The following DNMT3A variants were observed in gnomAD, a reference collection of about 807,000 sequenced individuals.
DNMT3A encodes the protein DNA (cytosine-5)-methyltransferase 3A.
In DNMT3A, 267 loss-of-function variants were observed where a neutral mutation model predicts 117.6. That is an observed-to-expected ratio of 2.27 (90% CI 2.05 to 2.51). DNMT3A has a LOEUF of 2.51. Ranked by LOEUF, DNMT3A falls within the 30% of genes most tolerant of loss-of-function variation. The probability of loss-of-function intolerance (pLI) is 0.00; values close to 1 mark genes in which losing one functional copy is unlikely to be tolerated. For missense variants in DNMT3A, 1,029 were observed against 1,260.2 expected (o/e 0.82, Z 2.78); for synonymous variants, 432 against 474.8 (o/e 0.91, Z 1.17).
At chr2:25,280,485 A>G (rs2031810370) in intron 4 of DNMT3A, among the ~76,000 whole-genome samples, 1 of 148,432 alleles carries the variant, frequency 6.7e-6, no homozygotes, top group South Asian at 2.2e-4. Flanking sequence ...CCCTGTTCTC[A>G]CTCTCTCCCT....
intron 1 of DNMT3A, among the ~76,000 whole-genome samples, chr2:25,332,010 T>A (rs2035031434): frequency 6.6e-6 from 1 of 152,058 alleles, no homozygotes; most frequent in Non-Finnish European, 1.5e-5. Context: ...CGCCTGTTCC[T>A]ACTGACTGCA....
At chr2:25,271,759 C>T (rs896372255) in intron 6 of DNMT3A, among the ~76,000 whole-genome samples, 1 of 152,226 alleles carries the variant, frequency 6.6e-6, no homozygotes, top group Non-Finnish European at 1.5e-5. Context: ...GAGATCTCCA[C>T]ATTGCAAGTC....
rs1674939558 is a variant in DNMT3A at position 25,247,367 on chromosome 2, G to A, written c.1015-209C>T. ...AGTGCAGGTGGAAAGGAATTCTAGT[G>A]AATAGGTTCCTGGAAGGCTAAAACT... On this transcript the variant is annotated intron_variant, in intron 8 of 22. Coordinates refer to ENST00000321117, the MANE Select transcript of DNMT3A (RefSeq NM_022552.5). This position sits in a 1 kb window ranked among gnomAD's most constrained non-coding sequence, Gnocchi z 5.6. 2 of 808,526 alleles carry A rather than the reference G, an allele frequency of 2.5e-6. No homozygotes were observed. The highest frequency in any genetic ancestry group is 3.6e-5 in the South Asian group (2 of 54,862). 50.1% of individuals were successfully genotyped at this position (808,526 alleles called of 1,614,324 possible). A position where few individuals can be genotyped will look rare whatever the true frequency, so the allele number is the denominator to read the frequency against.
Position 25,281,950 on chromosome 2 carries a change from T to TCTGCACTCAGGGAGGCAA in DNMT3A, c.448+490_448+491insTTGCCTCCCTGAGTGCAG. On this transcript the variant is annotated intron_variant, in intron 4 of 22. Coordinates refer to ENST00000321117, the MANE Select transcript of DNMT3A (RefSeq NM_022552.5). The surrounding 1 kb of genome is among the most constrained non-coding windows in gnomAD (Gnocchi z 4.8). ...TCTGCACTCAGGGAGGCAAACAGGG[T>TCTGCACTCAGGGAGGCAA]ATCTGCTGCCCTTGAGTGCCCAGGC... 1 of 1,083,674 alleles carries TCTGCACTCAGGGAGGCAA rather than the reference T, an allele frequency of 9.2e-7. No individual in the cohort carries two copies. Among genetic ancestry groups the TCTGCACTCAGGGAGGCAA allele is most frequent in the Non-Finnish European group, 1.1e-6 (1 of 889,756 alleles). 67.1% of individuals were successfully genotyped at this position (1,083,674 alleles called of 1,614,324 possible).
chr2:25,266,561 C>T (rs1288407456), intron 6 of DNMT3A, among the ~76,000 whole-genome samples: 1 of 152,164 alleles, frequency 6.6e-6, no homozygotes, highest in African/African-American at 2.4e-5. Flanking sequence ...CATGGGGGAC[C>T]TTCTGGACAT....
intron 3 of DNMT3A, among the ~76,000 whole-genome samples, chr2:25,299,469 T>TCCAGTG (rs1370226149): frequency 6.6e-6 from 1 of 152,218 alleles, no homozygotes; most frequent in Non-Finnish European, 1.5e-5. Context: ...GGGAGGGGCC[T>TCCAGTG]TCATAGATAG....
intron 3 of DNMT3A, among the ~76,000 whole-genome samples, chr2:25,288,605 C>T (rs1378988147): frequency 2.6e-5 from 4 of 152,080 alleles, no homozygotes; most frequent in Non-Finnish European, 5.9e-5. Context: ...CCACTGTGCC[C>T]GGCCTAGAAA....
chr2:25,229,813 T>C lies in DNMT3A; in HGVS notation c.*4466A>G, dbSNP rs1282136899. ...TATTTATATAAGCAAAACTATGAAA[T>C]GAATGACTGCAGTTTTCCTATAAGA... On this transcript the variant is annotated 3_prime_UTR_variant, in exon 23 of 23. Coordinates refer to ENST00000321117, the MANE Select transcript of DNMT3A (RefSeq NM_022552.5). 6.6e-6 allele frequency: 1 copy of C among 152,216 alleles called. No individual in the cohort carries two copies. Among genetic ancestry groups the C allele is most frequent in the Non-Finnish European group, 1.5e-5 (1 of 68,042 alleles). 9.4% of individuals were successfully genotyped at this position (152,216 alleles called of 1,614,324 possible).
rs575966077 is a variant in DNMT3A at position 25,302,631 on chromosome 2, G to A, written c.73-2388C>T. 4.6e-5 allele frequency among the ~76,000 whole-genome samples: 7 copies of A among 152,340 alleles called. No homozygotes were observed. In the East Asian group the frequency reaches 5.8e-4, roughly 13 times the overall value. ...GGGCTCAGGGTGCCCAAGGGCACAC[G>A]CCCCATGGGAGGGGAGGCCTGCTGC... On this transcript the variant is annotated intron_variant, in intron 2 of 22. Coordinates refer to ENST00000321117, the MANE Select transcript of DNMT3A (RefSeq NM_022552.5).
rs369713081 is a variant in DNMT3A at position 25,241,581 on chromosome 2, C to T, written c.2063G>A (p.Arg688His). The T allele has an allele frequency of 1.5e-5, 24 of 1,613,670 alleles. No homozygotes were observed. Among genetic ancestry groups the T allele is most frequent in the East Asian group, 6.7e-5 (3 of 44,886 alleles). Residue 688 changes from arginine to histidine, a missense_variant, in exon 17 of 23, where the codon CGC becomes CAC. By Grantham distance (29) the Arg-to-His change is conservative (BLOSUM62 0). Transcript: ENST00000321117. ...QGKIMYVGDVRSVTQKHIQEW... is the reference protein window; with the variant it reads ...QGKIMYVGDVHSVTQKHIQEW... The stretch of plus-strand genomic sequence containing the variant: ...ACATACATGCTTCTGTGTGACGCTG[C>T]GGACGTCCCCGACGTACATGATCTT...
intron 2 of DNMT3A, among the ~76,000 whole-genome samples, chr2:25,308,019 C>T (rs1032295950): frequency 3.9e-5 from 6 of 152,138 alleles, no homozygotes; most frequent in Non-Finnish European, 7.3e-5. Context: ...TGACTGATGA[C>T]CCAAAGAGAG....
chr2:25,332,189 C>A (rs985456606), intron 1 of DNMT3A, among the ~76,000 whole-genome samples: 1 of 152,222 alleles, frequency 6.6e-6, no homozygotes, highest in Admixed American at 6.5e-5. Context: ...GCCCAACGTC[C>A]GTTCATAACA....
In DNMT3A at chr2:25,244,041, A is replaced by T. The variant is rs1321442342; in HGVS notation, c.1852-59T>A. 2.6e-6 allele frequency: 4 copies of T among 1,564,614 alleles called. No homozygotes were observed. The African/African-American group carries it at 4.1e-5, about 16-fold the overall frequency. ...CCAGCGGTGTCCCAAGCTCCCACCC[A>T]GCGCTGGCCCTCCAGCCAGGCTCCT... On this transcript the variant is annotated intron_variant, in intron 15 of 22. Coordinates refer to ENST00000321117, the MANE Select transcript of DNMT3A (RefSeq NM_022552.5).
chr2:25,271,348 C>G (rs944858671), intron 6 of DNMT3A, among the ~76,000 whole-genome samples: 1 of 152,146 alleles, frequency 6.6e-6, no homozygotes, highest in African/African-American at 2.4e-5. Flanking sequence ...GAAACTCCGT[C>G]TCAAAAACAG....
rs776844126 is a variant in DNMT3A at position 25,240,370 on chromosome 2, A to T, written c.2254T>A (p.Phe752Ile). The T allele has an allele frequency of 2.5e-6, 4 of 1,614,016 alleles. No homozygotes were observed. Among genetic ancestry groups the T allele is most frequent in the Non-Finnish European group, 2.5e-6 (3 of 1,179,996 alleles). The change falls in exon 19 of 23, where the codon TTC becomes ATC. Residue 752 changes from phenylalanine to isoleucine, a missense_variant. Transcript: ENST00000321117. ...RPKEGDDRPFFWLFENVVAMG... is the reference protein window; with the variant it reads ...RPKEGDDRPFIWLFENVVAMG... ...GCCACCACATTCTCAAAGAGCCAGA[A>T]GAAGGGGCGATCATCTCCCTCCTTG...
In DNMT3A at chr2:25,240,302, C is replaced by G. The variant is rs753017271; in HGVS notation, c.2322G>C (p.Glu774Asp). The G allele has an allele frequency of 6.2e-7, 1 of 1,614,030 alleles. No individual in the cohort carries two copies. The highest frequency in any genetic ancestry group is 8.5e-7 in the Non-Finnish European group (1 of 1,180,000). Residue 774 changes from glutamate (E) to aspartate (D), a missense_variant and splice_region_variant, in exon 19 of 23, where the codon GAG (glutamate) becomes GAC (aspartate). Physicochemically the swap from Glu to Asp is conservative, Grantham distance 45 (BLOSUM62 2). Transcript: ENST00000321117. Reference sequence around the variant, plus strand: ...GCCAAACCAAGGTTGCTGGCTATACCTCGAGAAATCGCGAGATGTCCCTCT... The same window carrying G: ...GCCAAACCAAGGTTGCTGGCTATACGTCGAGAAATCGCGAGATGTCCCTCT... ...SDKRDISRFLESNPVMIDAKE... is the reference protein window; with the variant it reads ...SDKRDISRFLDSNPVMIDAKE...
chr2:25,234,264 T>A lies in DNMT3A; in HGVS notation c.*15A>T. 1 of 1,597,456 alleles carries A rather than the reference T, an allele frequency of 6.3e-7. No individual in the cohort carries two copies. Among genetic ancestry groups the A allele is most frequent in the South Asian group, 1.1e-5 (1 of 88,798 alleles). On this transcript the variant is annotated 3_prime_UTR_variant, in exon 23 of 23. Coordinates refer to ENST00000321117, the MANE Select transcript of DNMT3A (RefSeq NM_022552.5). This position sits in a 1 kb window ranked among gnomAD's most constrained non-coding sequence, Gnocchi z 4.5. ...TTTAACTTTGTGTCGCTACCTCAGT[T>A]TGCCCCCATGTCCCTTACACACACG...
Position 25,232,737 on chromosome 2 carries a change from A to G in DNMT3A, c.*1542T>C, listed in dbSNP as rs1220288502. On this transcript the variant is annotated 3_prime_UTR_variant, in exon 23 of 23. Transcript: ENST00000321117. This position sits in a 1 kb window ranked among gnomAD's most constrained non-coding sequence, Gnocchi z 4.1. ...CACCTTGGTTTGAAACCTAAAGGGA[A>G]GGGTGTTGGGTTTTTGTTTTCTTAA... 1 of 178,950 alleles carries G rather than the reference A, an allele frequency of 5.6e-6. No homozygotes were observed. The highest frequency in any genetic ancestry group is 1.2e-5 in the Non-Finnish European group (1 of 83,632). The allele number at this position is 178,950 out of a possible 1,614,324, so 11.1% of individuals were successfully genotyped here.
intron 9 of DNMT3A, 135 bp from the exon 10 acceptor site, chr2:25,246,911 T>C (rs1674865019): frequency 6.7e-7 from 1 of 1,490,272 alleles, no homozygotes; most frequent in South Asian, 1.3e-5. Flanking sequence ...GAGCGGGATG[T>C]GCATACGGGC....
Sources: gnomAD v4.1 joint callset for allele counts (sites outside exome capture counted in the v4.1 genomes callset) on GRCh38, gnomAD v4.1.1 for gene constraint, Gnocchi (gnomAD v3.1) non-coding constraint, MANE v1.5 for transcripts, NCBI Gene and HGNC (gene_info 2026-07-23, HGNC 2026-07-21) for gene names.